Variants in LRPPRC observed in about 807,000 individuals in gnomAD.
LRPPRC encodes the protein leucine rich pentatricopeptide repeat containing.
In LRPPRC, 120 loss-of-function variants were observed where a neutral mutation model predicts 180.3. The ratio of observed to expected loss-of-function variants is 0.67; its 90% CI spans 0.57 to 0.77. The LOEUF is 0.77. LRPPRC is among the 30% of genes least tolerant of loss of function. LRPPRC has a pLI of 0.00. For missense variants in LRPPRC, 2,012 were observed against 1,657.2 expected, an observed-to-expected ratio of 1.21 and a Z score of -3.72; for synonymous variants, 723 against 600.0, an observed-to-expected ratio of 1.21 and a Z score of -3.00.
At position 43,899,698 on chromosome 2, in the gene LRPPRC, G is replaced by C. The variant is rs945476445; in HGVS notation, c.3570-93C>G. The C allele has an allele frequency of 1.0e-5, 8 of 780,486 alleles. No individual in the cohort carries two copies. In the African/African-American group the frequency reaches 1.0e-4, roughly 10 times the overall value. The allele number at this position is 780,486 out of a possible 1,614,324, so 48.3% of individuals were successfully genotyped here. A position where few individuals can be genotyped will look rare whatever the true frequency, so the allele number is the denominator to read the frequency against. ...AGAACTTACTTTTATATCCACTCAT[G>C]CTAATACTTTAGGAAAAAAATGAAA... On this transcript the variant is annotated intron_variant, in intron 32 of 37. Transcript: ENST00000260665.
chr2:43,991,569 C>T (rs1316640026), intron 1 of LRPPRC, among the ~76,000 whole-genome samples: 9 of 152,176 alleles, frequency 5.9e-5, no homozygotes, highest in Non-Finnish European at 8.8e-5. Flanking sequence ...AGAATACACA[C>T]ACAAAGCAGC....
Position 43,887,143 on chromosome 2 carries a change from CA to C in LRPPRC, c.*1456del, listed in dbSNP as rs57494476. 17,303 of 72,986 alleles carry C rather than the reference CA, an allele frequency of 0.24. 1,562 individuals are homozygous for C. Among genetic ancestry groups the C allele is most frequent in the Middle Eastern group, 0.41 (49 of 120 alleles). 4.5% of individuals were successfully genotyped at this position (72,986 alleles called of 1,614,324 possible). A position where few individuals can be genotyped will look rare whatever the true frequency, so the allele number is the denominator to read the frequency against. On this transcript the variant is annotated 3_prime_UTR_variant, in exon 38 of 38. Coordinates refer to ENST00000260665, the MANE Select transcript of LRPPRC (RefSeq NM_133259.4). ...CTTAAGCAACAGAGCAAGACTATCT[CA>C]AAAAAAAAAAAAAAAAAAAAGATGC...
At chr2:43,994,038 C>G (rs753009630) in intron 1 of LRPPRC, among the ~76,000 whole-genome samples, 7 of 151,974 alleles carry the variant, frequency 4.6e-5, no homozygotes, top group Non-Finnish European at 1.0e-4. Context: ...TATGTTCTCT[C>G]TTTATTCAGT....
intron 25 of LRPPRC, among the ~76,000 whole-genome samples, chr2:43,932,250 C>T (rs1219547792): frequency 1.3e-5 from 2 of 150,540 alleles, no homozygotes; most frequent in Admixed American, 6.7e-5. Context: ...GATATTTACA[C>T]ATTGAACCTT....
chr2:43,976,376 T>A, intron 5 of LRPPRC, 147 bp from the exon 6 acceptor site: 3 of 633,630 alleles, frequency 4.7e-6, no homozygotes, highest in Non-Finnish European at 8.4e-6. Context: ...AAAGAACTAA[T>A]CCCTTTGATC....
intron 23 of LRPPRC, among the ~76,000 whole-genome samples, chr2:43,939,229 C>T (rs1196927637): frequency 6.6e-6 from 1 of 151,608 alleles, no homozygotes; most frequent in African/African-American, 2.4e-5. Context: ...TGCAGTGAGC[C>T]AAGATCGTGC....
intron 26 of LRPPRC, among the ~76,000 whole-genome samples, chr2:43,925,461 AGT>A (rs1671842985): frequency 6.6e-6 from 1 of 152,206 alleles, no homozygotes; most frequent in Non-Finnish European, 1.5e-5. Flanking sequence ...GAACTCAATG[AGT>A]GTATCGTACG....
chr2:43,923,955 A>G (rs1205815304), intron 27 of LRPPRC, among the ~76,000 whole-genome samples: 4 of 152,192 alleles, frequency 2.6e-5, no homozygotes, highest in Admixed American at 2.6e-4. Flanking sequence ...ATTCAATACC[A>G]AACTCAGCAT....
intron 27 of LRPPRC, among the ~76,000 whole-genome samples, chr2:43,924,788 C>A (rs978233420): frequency 2.0e-5 from 3 of 152,194 alleles, no homozygotes; most frequent in Non-Finnish European, 1.5e-5. Context: ...AAAGACCGTT[C>A]TTACCTCAAA....
intron 30 of LRPPRC, among the ~76,000 whole-genome samples, 174 bp from the exon 31 acceptor site, chr2:43,905,954 T>A (rs1246935267): frequency 6.6e-6 from 1 of 152,224 alleles, no homozygotes; most frequent in Non-Finnish European, 1.5e-5. Flanking sequence ...TATAGAAGGA[T>A]AATTTTTTTT....
chr2:43,894,117 T>C (rs1470267451), intron 36 of LRPPRC, among the ~76,000 whole-genome samples: 1 of 151,358 alleles, frequency 6.6e-6, no homozygotes, highest in African/African-American at 2.4e-5. Flanking sequence ...TTCAAAGGAG[T>C]AGCAGGCAAG....
At position 43,889,723 on chromosome 2, in the gene LRPPRC, G is replaced by A. The variant is rs762999039; in HGVS notation, c.4128+11C>T. On this transcript the variant is annotated intron_variant, in intron 37 of 37. Transcript: ENST00000260665. ...AGAGGTATTTTTTCCCCTTAATTAA[G>A]AAATACTCACAGGGGGTTCAATGAA... 2 of 1,605,576 alleles carry A rather than the reference G, an allele frequency of 1.2e-6. No homozygotes were observed. Among genetic ancestry groups the A allele is most frequent in the African/African-American group, 1.3e-5 (1 of 74,820 alleles).
At chr2:43,935,665 T>TC (rs915306214) in intron 23 of LRPPRC, among the ~76,000 whole-genome samples, 10 of 147,110 alleles carry the variant, frequency 6.8e-5, no homozygotes, top group South Asian at 2.2e-4. Flanking sequence ...AGAAGTATTT[T>TC]CCCCCCATAA....
intron 1 of LRPPRC, among the ~76,000 whole-genome samples, chr2:43,989,283 A>G (rs1351075469): frequency 6.6e-6 from 1 of 152,202 alleles, no homozygotes; most frequent in Non-Finnish European, 1.5e-5. Context: ...ACAGAATTTT[A>G]GACTAAAAAA....
chr2:43,949,558 A>T, intron 16 of LRPPRC, 44 bp downstream of exon 16: 1 of 1,503,484 alleles, frequency 6.7e-7, no homozygotes, highest in Non-Finnish European at 9.3e-7. Context: ...ACACAGAAAA[A>T]TGGATTTGTG....
At chr2:43,990,172 T>A (rs759475317) in intron 1 of LRPPRC, among the ~76,000 whole-genome samples, 16 of 152,040 alleles carry the variant, frequency 1.1e-4, no homozygotes, top group Non-Finnish European at 2.1e-4. Flanking sequence ...TGAGCCGAGA[T>A]GGCCCCGTTA....
intron 27 of LRPPRC, among the ~76,000 whole-genome samples, chr2:43,918,818 T>TATAG (rs1558938538): frequency 2.1e-5 from 3 of 145,406 alleles, no homozygotes; most frequent in African/African-American, 7.7e-5. Context: ...TAGATATATA[T>TATAG]ATATCTATAT....
At chr2:43,994,158 G>A (rs1405619205) in intron 1 of LRPPRC, among the ~76,000 whole-genome samples, 1 of 152,184 alleles carries the variant, frequency 6.6e-6, no homozygotes, top group Non-Finnish European at 1.5e-5. Context: ...TTTCTCAAAA[G>A]AAACTCTGAA....
chr2:43,898,849 G>T (rs879917215), intron 34 of LRPPRC, among the ~76,000 whole-genome samples: 7 of 152,108 alleles, frequency 4.6e-5, no homozygotes, highest in African/African-American at 7.2e-5. Context: ...ACAGTATCTA[G>T]CGCATTTGAG....
Sources: gnomAD v4.1 joint callset for allele counts (sites outside exome capture counted in the v4.1 genomes callset) on GRCh38, gnomAD v4.1.1 for gene constraint, MANE v1.5 for transcripts, NCBI Gene and HGNC (gene_info 2026-07-23, HGNC 2026-07-21) for gene names.